The following SBF2 variants were observed in gnomAD, a reference collection of about 807,000 sequenced individuals.
SBF2 encodes the protein myotubularin-related protein 13.
Under a neutral mutation model 225.2 loss-of-function variants are expected in SBF2, and 112 were observed. The observed-to-expected ratio is 0.50, with a 90% CI of 0.43 to 0.58. SBF2 has a LOEUF of 0.58. Among genes scored for constraint, SBF2 ranks in the 20% least tolerant of loss-of-function variants. The probability of loss-of-function intolerance (pLI) is 0.00; values close to 1 mark genes in which losing one functional copy is unlikely to be tolerated. For missense variants in SBF2, 1,996 were observed against 2,206.2 expected, an observed-to-expected ratio of 0.90 and a Z score of 1.91; for synonymous variants, 763 against 773.3, an observed-to-expected ratio of 0.99 and a Z score of 0.22.
chr11:10,060,143 CG>C (rs1170988223), intron 2 of SBF2, among the ~76,000 whole-genome samples: 1 of 151,782 alleles, frequency 6.6e-6, no homozygotes, highest in Non-Finnish European at 1.5e-5. Context: ...AGACTAATTA[CG>C]AAGAAAAGAG....
chr11:10,042,957 G>C lies in SBF2; in HGVS notation c.166C>G (p.Leu56Val). The C allele has an allele frequency of 6.2e-7, 1 of 1,613,788 alleles. No individual in the cohort carries two copies. The highest frequency in any genetic ancestry group is 2.2e-5 in the East Asian group (1 of 44,856). ...ELFCQPGGWQ[L>V]SRERKQPTFF... The stretch of plus-strand genomic sequence containing the variant: ...GTTGGCTGCTTCCTCTCTCTGGACA[G>C]CTGCCACCCGCCAGGCTGACAAAAC... The change falls in exon 3 of 40, where the codon CTG (leucine) becomes GTG (valine). Residue 56 changes from leucine to valine, a missense_variant. Physicochemically the swap from Leu to Val is conservative, Grantham distance 32. Coordinates refer to ENST00000256190, the MANE Select transcript of SBF2 (RefSeq NM_030962.4).
intron 2 of SBF2, among the ~76,000 whole-genome samples, chr11:10,166,320 G>A (rs1166769463): frequency 6.6e-6 from 1 of 152,168 alleles, no homozygotes; most frequent in African/African-American, 2.4e-5. Flanking sequence ...CACTATGCCA[G>A]TGAAAGTATT....
intron 2 of SBF2, among the ~76,000 whole-genome samples, chr11:10,083,765 T>TA (rs1951452863): frequency 6.6e-6 from 1 of 151,968 alleles, no homozygotes; most frequent in South Asian, 2.1e-4. Context: ...CCTGAAACTA[T>TA]AAAAAAATAC....
chr11:9,782,874 G>A (rs200502999), intron 38 of SBF2, among the ~76,000 whole-genome samples: 1,445 of 112,988 alleles, frequency 0.013, no homozygotes, highest in African/African-American at 0.016. Flanking sequence ...TGTCTCAAAA[G>A]AAAAAAAAAA....
chr11:10,189,892 C>G (rs1310544321), intron 2 of SBF2, among the ~76,000 whole-genome samples: 1 of 152,160 alleles, frequency 6.6e-6, no homozygotes, highest in Non-Finnish European at 1.5e-5. Context: ...TGGCTCACAT[C>G]TGTAATCGCA....
intron 16 of SBF2, among the ~76,000 whole-genome samples, chr11:9,912,600 AT>A (rs1212589971): frequency 6.6e-6 from 1 of 152,132 alleles, no homozygotes; most frequent in Non-Finnish European, 1.5e-5. Flanking sequence ...AAAAATTCTA[AT>A]TTTTAGCTCA....
intron 16 of SBF2, among the ~76,000 whole-genome samples, chr11:9,933,193 C>A (rs1194825020): frequency 6.6e-6 from 1 of 152,058 alleles, no homozygotes; most frequent in Non-Finnish European, 1.5e-5. Context: ...GACTTAGACT[C>A]CTACACAATA....
intron 2 of SBF2, among the ~76,000 whole-genome samples, chr11:10,182,546 T>C (rs960311934): frequency 5.9e-5 from 9 of 152,212 alleles, no homozygotes; most frequent in Middle Eastern, 6.8e-3. Flanking sequence ...CAAAATCACC[T>C]GACTTTTTTT....
intron 35 of SBF2, among the ~76,000 whole-genome samples, chr11:9,788,440 C>T (rs1852513354): frequency 6.6e-6 from 1 of 152,202 alleles, no homozygotes; most frequent in Non-Finnish European, 1.5e-5. Flanking sequence ...TGACTACCCA[C>T]ACTTCTGACC....
chr11:10,103,257 T>C (rs956608633), intron 2 of SBF2, among the ~76,000 whole-genome samples: 16 of 152,242 alleles, frequency 1.1e-4, no homozygotes, highest in African/African-American at 3.6e-4. Flanking sequence ...TATCAAATTA[T>C]GAAGTATGCA....
intron 32 of SBF2, among the ~76,000 whole-genome samples, chr11:9,798,913 C>T (rs1347177904): frequency 6.7e-6 from 1 of 150,370 alleles, no homozygotes; most frequent in Non-Finnish European, 1.5e-5. Context: ...GATCGCGCCA[C>T]CGCACTCCAG....
chr11:10,216,606 A>T (rs1958139286), intron 1 of SBF2, among the ~76,000 whole-genome samples: 1 of 152,218 alleles, frequency 6.6e-6, no homozygotes, highest in Non-Finnish European at 1.5e-5. Flanking sequence ...GTGGTGGCTC[A>T]CGCCTGTAAT....
chr11:10,136,352 G>C (rs1954354446), intron 2 of SBF2, among the ~76,000 whole-genome samples: 1 of 152,088 alleles, frequency 6.6e-6, no homozygotes, highest in Non-Finnish European at 1.5e-5. Flanking sequence ...ACTCTTGGTG[G>C]GCTCCTGAAT....
upstream of SBF2, among the ~76,000 whole-genome samples, chr11:10,296,400 G>A (rs1321547738): frequency 2.0e-5 from 3 of 152,060 alleles, no homozygotes; most frequent in South Asian, 2.1e-4. Flanking sequence ...AGAGCAAAGC[G>A]GCAGACAAGA....
chr11:9,845,773 C>T, intron 23 of SBF2, 33 bp from the exon 24 acceptor site: 2 of 1,605,590 alleles, frequency 1.2e-6, no homozygotes, highest in East Asian at 2.2e-5. Context: ...ACAAAAGAAG[C>T]ATTAAGGATT....
At chr11:9,883,192 CA>C in intron 17 of SBF2, among the ~76,000 whole-genome samples, 1 of 152,012 alleles carries the variant, frequency 6.6e-6, no homozygotes, top group Admixed American at 6.6e-5. Flanking sequence ...CTGGATTTTA[CA>C]ACCTGGCATC....
chr11:10,111,660 G>A (rs982531682), intron 2 of SBF2, among the ~76,000 whole-genome samples: 5 of 152,228 alleles, frequency 3.3e-5, no homozygotes, highest in Non-Finnish European at 5.9e-5. Flanking sequence ...CAGATCACTT[G>A]AGATCAGGAG....
At chr11:10,134,985 G>T (rs944473203) in intron 2 of SBF2, among the ~76,000 whole-genome samples, 5 of 152,236 alleles carry the variant, frequency 3.3e-5, no homozygotes, top group Admixed American at 2.0e-4. Flanking sequence ...CCTAGCAGAA[G>T]TTCTTCCTGA....
intron 2 of SBF2, among the ~76,000 whole-genome samples, chr11:10,096,657 T>A (rs150112817): frequency 6.6e-6 from 1 of 152,090 alleles, no homozygotes; most frequent in South Asian, 2.1e-4. Flanking sequence ...ATTCACAAAA[T>A]CTCATACAAG....
Sources: allele counts gnomAD v4.1 joint callset (sites outside exome capture counted in the v4.1 genomes callset), GRCh38; gene constraint gnomAD v4.1.1; transcripts MANE v1.5; gene names NCBI Gene and HGNC (gene_info 2026-07-23, HGNC 2026-07-21).